ENOX1: variants seen among roughly 807,000 people sequenced by gnomAD.
ENOX1 encodes the protein ecto-NOX disulfide-thiol exchanger 1.
A neutral mutation model predicts 82.5 loss-of-function variants in ENOX1; 42 were observed. That is an observed-to-expected ratio of 0.51 (90% CI 0.40 to 0.66). The LOEUF (loss-of-function observed/expected upper bound fraction) is 0.66, where lower values mean the gene tolerates loss of function less well. ENOX1 is among the 30% of genes least tolerant of loss of function. The pLI, the probability that ENOX1 is intolerant of heterozygous loss-of-function variation, is 0.00. For synonymous variants in ENOX1, 271 were observed against 282.2 expected, an observed-to-expected ratio of 0.96 and a Z score of 0.40; for missense variants, 608 against 811.6, an observed-to-expected ratio of 0.75 and a Z score of 3.05.
At chr13:43,538,123 C>G (rs2078545803) in intron 2 of ENOX1, among the ~76,000 whole-genome samples, 1 of 152,260 alleles carries the variant, frequency 6.6e-6, no homozygotes, top group East Asian at 1.9e-4. Flanking sequence ...GCCTCTGAGC[C>G]TAGCCCTCCT....
chr13:43,753,795 C>T (rs1344135990), intron 1 of ENOX1, among the ~76,000 whole-genome samples: 3 of 152,106 alleles, frequency 2.0e-5, no homozygotes, highest in Non-Finnish European at 4.4e-5. Flanking sequence ...AAATGTGAAA[C>T]AGTATAATCA....
chr13:43,721,768 T>G (rs1206910954), intron 1 of ENOX1, among the ~76,000 whole-genome samples: 1 of 152,170 alleles, frequency 6.6e-6, no homozygotes, highest in African/African-American at 2.4e-5. Context: ...ACAAATTAGA[T>G]AGACAGCCTG....
chr13:43,244,847 G>T (rs2043006483), intron 14 of ENOX1, among the ~76,000 whole-genome samples: 1 of 152,164 alleles, frequency 6.6e-6, no homozygotes. Flanking sequence ...TTCTTGTGCT[G>T]TTGGCTCAGT....
chr13:43,695,694 C>T (rs2086606744), intron 1 of ENOX1, among the ~76,000 whole-genome samples: 2 of 152,112 alleles, frequency 1.3e-5, no homozygotes, highest in Admixed American at 6.6e-5. Context: ...ATGATCGGCC[C>T]GCCTCAGCCT....
chr13:43,242,624 A>T (rs896909388), intron 14 of ENOX1, among the ~76,000 whole-genome samples: 7 of 152,188 alleles, frequency 4.6e-5, no homozygotes, highest in African/African-American at 1.7e-4. Flanking sequence ...CAGCCAGGTG[A>T]CCTTGGCAAA....
chr13:43,399,579 C>T (rs12585113), intron 5 of ENOX1, among the ~76,000 whole-genome samples: 78,104 of 152,068 alleles, frequency 0.51, 25,000 homozygotes, highest in Non-Finnish European at 0.73. Context: ...CACATTTGAT[C>T]CCTATAATAT....
intron 5 of ENOX1, among the ~76,000 whole-genome samples, chr13:43,363,275 T>C (rs2050642340): frequency 6.6e-6 from 1 of 152,114 alleles, no homozygotes; most frequent in Admixed American, 6.5e-5. Context: ...ACATTCCAAA[T>C]CAAACAGATG....
intron 3 of ENOX1, among the ~76,000 whole-genome samples, chr13:43,480,028 C>T (rs1261364022): frequency 4.6e-5 from 7 of 151,846 alleles, no homozygotes; most frequent in Non-Finnish European, 7.4e-5. Flanking sequence ...CTCCACCTCC[C>T]GGGTTCAAGC....
At chr13:43,218,755 CT>C (rs2041624908) in intron 16 of ENOX1, among the ~76,000 whole-genome samples, 1 of 152,184 alleles carries the variant, frequency 6.6e-6, no homozygotes. Flanking sequence ...GATTTTCAAA[CT>C]TTTCCCCTAC....
At chr13:43,511,845 G>A (rs1212424590) in intron 2 of ENOX1, among the ~76,000 whole-genome samples, 12 of 152,026 alleles carry the variant, frequency 7.9e-5, no homozygotes, top group Non-Finnish European at 1.6e-4. Flanking sequence ...TCCAAAAGGC[G>A]AGCACCACAT....
chr13:43,421,240 C>T (rs184209626), intron 3 of ENOX1, among the ~76,000 whole-genome samples: 4 of 152,144 alleles, frequency 2.6e-5, no homozygotes, highest in Middle Eastern at 3.4e-3. Flanking sequence ...AGATGCTCCT[C>T]AATTTATGAT....
intron 2 of ENOX1, among the ~76,000 whole-genome samples, chr13:43,521,232 GAATAT>G (rs2077755566): frequency 6.6e-6 from 1 of 151,986 alleles, no homozygotes; most frequent in African/African-American, 2.4e-5. Flanking sequence ...TATATTTTAT[GAATAT>G]ATTATTAAAA....
intron 5 of ENOX1, among the ~76,000 whole-genome samples, chr13:43,410,460 T>G (rs1026544928): frequency 5.3e-5 from 8 of 152,156 alleles, no homozygotes; most frequent in African/African-American, 1.9e-4. Flanking sequence ...TTTGAAGAAC[T>G]TAATAAATAT....
chr13:43,333,950 G>A (rs1249995534), intron 9 of ENOX1, among the ~76,000 whole-genome samples: 2 of 152,198 alleles, frequency 1.3e-5, no homozygotes, highest in Non-Finnish European at 2.9e-5. Flanking sequence ...TAATTACTTA[G>A]CCCTTACTGG....
At chr13:43,219,544 CTTAAAT>C (rs2041674847) in intron 16 of ENOX1, among the ~76,000 whole-genome samples, 1 of 152,008 alleles carries the variant, frequency 6.6e-6, no homozygotes, top group Non-Finnish European at 1.5e-5. Flanking sequence ...TTGAAACTTT[CTTAAAT>C]TTATTCTTTT....
chr13:43,444,633 A>G (rs1347327660), intron 3 of ENOX1, among the ~76,000 whole-genome samples: 1 of 152,240 alleles, frequency 6.6e-6, no homozygotes, highest in Non-Finnish European at 1.5e-5. Flanking sequence ...AGCTAGAAAC[A>G]TATTTCATTT....
At chr13:43,631,404 T>C (rs1437364603) in intron 2 of ENOX1, among the ~76,000 whole-genome samples, 1 of 152,138 alleles carries the variant, frequency 6.6e-6, no homozygotes, top group Non-Finnish European at 1.5e-5. Flanking sequence ...AGAATTCTTA[T>C]TTCCTGTCAG....
intron 14 of ENOX1, among the ~76,000 whole-genome samples, chr13:43,251,223 T>G (rs769929251): frequency 1.3e-5 from 2 of 152,222 alleles, no homozygotes; most frequent in Non-Finnish European, 2.9e-5. Context: ...CCACCTCAGT[T>G]TTAACTGTCA....
At chr13:43,365,651 A>G (rs916237610) in intron 5 of ENOX1, among the ~76,000 whole-genome samples, 1 of 152,226 alleles carries the variant, frequency 6.6e-6, no homozygotes, top group African/African-American at 2.4e-5. Context: ...TACCTAAGCC[A>G]GGATTCAGGC....
Sources: allele counts gnomAD v4.1 joint callset (sites outside exome capture counted in the v4.1 genomes callset), GRCh38; gene constraint gnomAD v4.1.1; transcripts MANE v1.5; gene names NCBI Gene and HGNC (gene_info 2026-07-23, HGNC 2026-07-21).